Variants in ORC5 observed in about 807,000 individuals in gnomAD.
The protein encoded by ORC5 is protein phosphatase 1, regulatory subunit 117.
In ORC5, 39 loss-of-function variants were observed where a neutral mutation model predicts 58.8. The observed-to-expected ratio is 0.66, with a 90% CI of 0.51 to 0.87. The LOEUF is 0.87. Among genes scored for constraint, ORC5 ranks in the 40% least tolerant of loss-of-function variants. The pLI is 0.00. For missense variants in ORC5, 493 were observed against 506.3 expected (o/e 0.97, Z 0.25); for synonymous variants, 218 against 177.6 (o/e 1.23, Z -1.81).
chr7:104,150,903 T>C (rs944665194), intron 12 of ORC5, among the ~76,000 whole-genome samples: 2 of 152,168 alleles, frequency 1.3e-5, no homozygotes, highest in South Asian at 2.1e-4. Context: ...ATAAACATAA[T>C]TATCTGACTA....
chr7:104,126,502 C>T lies in ORC5; in HGVS notation c.*346G>A, dbSNP rs763192714. ...ACAAGGGCTGCTGGCACGTTCAAAG[C>T]GCAGGGGATAGTTCACAGAGCAAAA... is the stretch of plus-strand genomic sequence containing the variant. On this transcript the variant is annotated 3_prime_UTR_variant, in exon 14 of 14. Transcript: ENST00000297431. The T allele has an allele frequency of 8.1e-5, 16 of 197,980 alleles. No homozygotes were observed. The highest frequency in any genetic ancestry group is 1.8e-3 in the Middle Eastern group (1 of 568). The allele number at this position is 197,980 out of a possible 1,614,324, so 12.3% of individuals were successfully genotyped here. A position where few individuals can be genotyped will look rare whatever the true frequency, so the allele number is the denominator to read the frequency against.
chr7:104,187,071 T>A (rs1799560712), intron 6 of ORC5, among the ~76,000 whole-genome samples: 1 of 152,216 alleles, frequency 6.6e-6, no homozygotes, highest in Non-Finnish European at 1.5e-5. Flanking sequence ...TCCCACAGGA[T>A]TCGAGTGCTA....
At chr7:104,180,700 A>C (rs1005018404) in intron 8 of ORC5, among the ~76,000 whole-genome samples, 3 of 152,202 alleles carry the variant, frequency 2.0e-5, no homozygotes, top group Non-Finnish European at 4.4e-5. Flanking sequence ...ATTGTGTAAG[A>C]AGCATTGCCA....
chr7:104,156,857 CCATT>C (rs1798936077), intron 12 of ORC5, among the ~76,000 whole-genome samples: 1 of 151,806 alleles, frequency 6.6e-6, no homozygotes, highest in Admixed American at 6.6e-5. Context: ...AAGTTTATTT[CCATT>C]CAAATGACCC....
intron 5 of ORC5, 128 bp from the exon 6 acceptor site, chr7:104,188,509 C>A: frequency 1.7e-6 from 1 of 596,856 alleles, no homozygotes; most frequent in Non-Finnish European, 2.9e-6. Context: ...AATAATAAAA[C>A]TATTACAAGA....
chr7:104,181,070 G>T (rs79549190), intron 8 of ORC5, among the ~76,000 whole-genome samples: 6,794 of 152,222 alleles, frequency 0.045, 501 homozygotes, highest in African/African-American at 0.15. Context: ...GAACTCTAAT[G>T]AAGAAATGAT....
At chr7:104,166,582 T>C (rs1466512061) in intron 10 of ORC5, among the ~76,000 whole-genome samples, 190 bp downstream of exon 10, 1 of 152,214 alleles carries the variant, frequency 6.6e-6, no homozygotes, top group Non-Finnish European at 1.5e-5. Flanking sequence ...CTCTTTTCTA[T>C]GAAACTGCCT....
rs1474698411 is a variant in ORC5, at chr7:104,156,493, T to C, written c.1149+4579A>G. On this transcript the variant is annotated intron_variant, in intron 12 of 13. Transcript: ENST00000297431. ...AATAAACTTTAAAGAGTCCTTGAGT[T>C]ACTATTTTTATAACTTCATTATAGA... Among the ~76,000 whole-genome samples the C allele has an allele frequency of 3.3e-5, 5 of 151,760 alleles. No individual in the cohort carries two copies. The East Asian group carries it at 9.6e-4, about 29-fold the overall frequency.
At position 104,126,842 on chromosome 7, in the gene ORC5, T is replaced by C; in HGVS notation, c.*6A>G. ...CACAGTGTCCATATGGCTTTGAAGCTTGTTTTCACAAGAAATCATACAAGT... is the reference window on the plus strand; with the variant it reads ...CACAGTGTCCATATGGCTTTGAAGCCTGTTTTCACAAGAAATCATACAAGT... On this transcript the variant is annotated 3_prime_UTR_variant, in exon 14 of 14. Transcript: ENST00000297431. The C allele has an allele frequency of 6.2e-7, 1 of 1,603,818 alleles. No individual in the cohort carries two copies. The highest frequency in any genetic ancestry group is 8.5e-7 in the Non-Finnish European group (1 of 1,172,908).
chr7:104,197,850 T>C, intron 3 of ORC5, 51 bp from the exon 4 acceptor site: 1 of 1,180,260 alleles, frequency 8.5e-7, no homozygotes, highest in Non-Finnish European at 1.2e-6. Flanking sequence ...ACAAAGCCTT[T>C]ACAAAATGAC....
rs535450509 is a variant in ORC5, at chr7:104,137,348, C to T, written c.1150-455G>A. Among the ~76,000 whole-genome samples, 74 of 151,850 alleles carry T rather than the reference C, an allele frequency of 4.9e-4. 1 individual carries two copies. Among genetic ancestry groups the T allele is most frequent in the Non-Finnish European group, 3.7e-4 (25 of 67,946 alleles). ...TTGTCCAGGCTGGTCCTGAACTCCTCGCTTTGTGATTCTCCTGCCTTGGCC... is the reference window on the plus strand; with the variant it reads ...TTGTCCAGGCTGGTCCTGAACTCCTTGCTTTGTGATTCTCCTGCCTTGGCC... On this transcript the variant is annotated intron_variant, in intron 12 of 13. Transcript: ENST00000297431.
chr7:104,163,211 A>C (rs901839301), intron 11 of ORC5, among the ~76,000 whole-genome samples: 2 of 152,206 alleles, frequency 1.3e-5, no homozygotes, highest in African/African-American at 4.8e-5. Context: ...TTCTTCTCTG[A>C]CACACAAGAA....
intron 11 of ORC5, among the ~76,000 whole-genome samples, chr7:104,162,188 T>A (rs1209463452): frequency 1.3e-5 from 2 of 152,186 alleles, no homozygotes; most frequent in African/African-American, 2.4e-5. Flanking sequence ...TATTTCTTTT[T>A]TTGAGACAGA....
intron 10 of ORC5, among the ~76,000 whole-genome samples, chr7:104,166,080 A>C (rs773198744): frequency 6.6e-6 from 1 of 152,170 alleles, no homozygotes; most frequent in Non-Finnish European, 1.5e-5. Context: ...AAGACATGAC[A>C]AAAAAATGAA....
In ORC5 at chr7:104,178,749, G is replaced by A. The variant is rs141714253; in HGVS notation, c.824+5194C>T. On this transcript the variant is annotated intron_variant, in intron 8 of 13. Transcript: ENST00000297431. ...ATTTTTGTATAAGATGTATGAAGGGGTCCAGTTTCTGTTTTCTGCATACAG... is the reference window on the plus strand; with the variant it reads ...ATTTTTGTATAAGATGTATGAAGGGATCCAGTTTCTGTTTTCTGCATACAG... Among the ~76,000 whole-genome samples, 571 of 152,146 alleles carry A rather than the reference G, an allele frequency of 3.8e-3. 3 individuals are homozygous for A. Among genetic ancestry groups the A allele is most frequent in the African/African-American group, 0.013 (547 of 41,516 alleles).
intron 2 of ORC5, among the ~76,000 whole-genome samples, 154 bp downstream of exon 2, chr7:104,203,988 A>G (rs1800009639): frequency 6.6e-6 from 1 of 152,240 alleles, no homozygotes; most frequent in African/African-American, 2.4e-5. Context: ...AACTGTGTCA[A>G]TGACAGTAGA....
Position 104,207,820 on chromosome 7 carries a change from T to C in ORC5, c.72+13A>G. On this transcript the variant is annotated intron_variant, in intron 1 of 13. Coordinates refer to ENST00000297431, the MANE Select transcript of ORC5 (RefSeq NM_002553.4). ...CTGCCTCCAGGATCTGGAAGACAGT[T>C]TAACTACAATACCTCTCCAAACAAG... The C allele has an allele frequency of 1.9e-6, 3 of 1,611,116 alleles. No individual in the cohort carries two copies. The highest frequency in any genetic ancestry group is 2.5e-6 in the Non-Finnish European group (3 of 1,177,438).
intron 12 of ORC5, among the ~76,000 whole-genome samples, chr7:104,149,150 A>G (rs772133562): frequency 1.4e-4 from 22 of 152,142 alleles, no homozygotes; most frequent in Admixed American, 3.3e-4. Context: ...ACATTTGTGG[A>G]TTAAAGGTCA....
At position 104,184,149 on chromosome 7, in the gene ORC5, T is replaced by A; in HGVS notation, c.707A>T (p.Tyr236Phe). ...RHLAVLNFPK[Y>F]CEPVVKGEAS... ...TTCTCCTTTAACCACGGGTTCACAA[T>A]ATTTAGGAAAATTAAGTACTGCCTG... is the stretch of plus-strand genomic sequence containing the variant. Residue 236 changes from tyrosine to phenylalanine, a missense_variant, in exon 7 of 14, where the codon TAT (tyrosine) becomes TTT (phenylalanine). This residue lies in a region of ORC5 where 412 missense variants were observed against 403.7 expected (regional missense o/e 1.02). Transcript: ENST00000297431. 6.3e-7 allele frequency: 1 copy of A among 1,580,110 alleles called. No individual in the cohort carries two copies. Among genetic ancestry groups the A allele is most frequent in the Non-Finnish European group, 8.6e-7 (1 of 1,158,332 alleles).
Sources: allele counts gnomAD v4.1 joint callset (sites outside exome capture counted in the v4.1 genomes callset), GRCh38; gene constraint gnomAD v4.1.1; regional missense constraint gnomAD v4.1.1; transcripts MANE v1.5; gene names NCBI Gene and HGNC (gene_info 2026-07-23, HGNC 2026-07-21).